The following EXD3 variants were observed in gnomAD, a reference collection of about 807,000 sequenced individuals.
EXD3 encodes exonuclease 3'-5' domain containing 3, also known as exonuclease mut-7 homolog.
A neutral mutation model predicts 98.0 loss-of-function variants in EXD3; 92 were observed. The observed-to-expected ratio is 0.94, with a 90% CI of 0.79 to 1.12. The LOEUF is 1.12. Among genes scored for constraint, EXD3 ranks in the 50% most tolerant of loss-of-function variants. EXD3 has a pLI of 0.00. For missense variants in EXD3, 1,222 were observed against 1,191.6 expected (o/e 1.03, Z -0.38); for synonymous variants, 569 against 526.0 (o/e 1.08, Z -1.12).
Position 137,395,161 on chromosome 9 carries a change from A to G in EXD3, c.55+142T>C. 1 of 739,968 alleles carries G rather than the reference A, an allele frequency of 1.4e-6. No homozygotes were observed. Among genetic ancestry groups the G allele is most frequent in the South Asian group, 1.6e-5 (1 of 62,948 alleles). 45.8% of individuals were successfully genotyped at this position (739,968 alleles called of 1,614,324 possible). On this transcript the variant is annotated intron_variant, in intron 2 of 21. Transcript: ENST00000340951. This position sits in a 1 kb window ranked among gnomAD's most constrained non-coding sequence, Gnocchi z 6.5. ...ACTCACAAGGTCCCAAGCCGTGGACACTGTAGAGAGGCCCGCAGCTAGGGG... is the reference window on the plus strand; with the variant it reads ...ACTCACAAGGTCCCAAGCCGTGGACGCTGTAGAGAGGCCCGCAGCTAGGGG...
At position 137,371,959 on chromosome 9, in the gene EXD3, C is replaced by T. The variant is rs1835639549; in HGVS notation, c.462+946G>A. ...GGCCCCACTGCTCCCTACTGTTCCA[C>T]ACAAACCCAAGTCACAGCTTGGCCA... is the stretch of plus-strand genomic sequence containing the variant. On this transcript the variant is annotated intron_variant, in intron 5 of 21. Coordinates refer to ENST00000340951, the MANE Select transcript of EXD3 (RefSeq NM_017820.5). The surrounding 1 kb of genome is among the most constrained non-coding windows in gnomAD (Gnocchi z 8.0). Among the ~76,000 whole-genome samples, 1 of 152,152 alleles carries T rather than the reference C, an allele frequency of 6.6e-6. No homozygotes were observed. The highest frequency in any genetic ancestry group is 1.5e-5 in the Non-Finnish European group (1 of 68,018).
chr9:137,364,715 C>T lies in EXD3; in HGVS notation c.656+1778G>A, dbSNP rs112121646. Reference sequence around the variant, plus strand: ...AGTTTCCGTGTATATTTCTTTTCTTCGCAATGAGACCCCTGGTTCCCACCT... The same window carrying T: ...AGTTTCCGTGTATATTTCTTTTCTTTGCAATGAGACCCCTGGTTCCCACCT... On this transcript the variant is annotated intron_variant, in intron 7 of 21. Transcript: ENST00000340951. Among the ~76,000 whole-genome samples, 693 of 151,676 alleles carry T rather than the reference C, an allele frequency of 4.6e-3. 5 individuals carry two copies. The highest frequency in any genetic ancestry group is 6.2e-3 in the Non-Finnish European group (419 of 67,942).
At chr9:137,414,264 T>C (rs116934950) in intron 1 of EXD3, among the ~76,000 whole-genome samples, 3 of 152,352 alleles carry the variant, frequency 2.0e-5, no homozygotes, top group Non-Finnish European at 2.9e-5. Flanking sequence ...GCATGGTGTC[T>C]TCAAAACTCA....
At chr9:137,413,357 C>A (rs1302011785) in intron 1 of EXD3, among the ~76,000 whole-genome samples, 1 of 152,152 alleles carries the variant, frequency 6.6e-6, no homozygotes, top group East Asian at 1.9e-4. Flanking sequence ...CCTGCCACCA[C>A]GCCCGGCTAA....
rs1588418604 is a variant in EXD3, at chr9:137,395,880, C to T, written c.-47-476G>A. ...TCACGGCTGACCCAGTACGCAGCTC[C>T]GTAAGACTCCAGGCGGCCGCTGACA... On this transcript the variant is annotated intron_variant, in intron 1 of 21. Coordinates refer to ENST00000340951, the MANE Select transcript of EXD3 (RefSeq NM_017820.5). The surrounding 1 kb of genome is among the most constrained non-coding windows in gnomAD (Gnocchi z 6.5). Among the ~76,000 whole-genome samples, 3 of 152,142 alleles carry T rather than the reference C, an allele frequency of 2.0e-5. No individual in the cohort carries two copies. The highest frequency in any genetic ancestry group is 1.3e-4 in the Admixed American group (2 of 15,282).
intron 1 of EXD3, among the ~76,000 whole-genome samples, chr9:137,414,464 C>T (rs1838146053): frequency 6.6e-6 from 1 of 151,906 alleles, no homozygotes; most frequent in South Asian, 2.1e-4. Flanking sequence ...GATCTGGGGA[C>T]ACACATTCCT....
At chr9:137,381,630 AC>A (rs1276216602) in intron 3 of EXD3, among the ~76,000 whole-genome samples, 1 of 152,032 alleles carries the variant, frequency 6.6e-6, no homozygotes, top group Admixed American at 6.6e-5. Flanking sequence ...CGTTAGAGGA[AC>A]ACCTAAGCCC....
intron 8 of EXD3, 119 bp from the exon 9 acceptor site, chr9:137,354,892 C>T: frequency 9.8e-7 from 1 of 1,016,902 alleles, no homozygotes; most frequent in South Asian, 1.6e-5. Flanking sequence ...TCCTCCACCT[C>T]TGCCCCGGAG....
At chr9:137,384,057 G>C (rs73583537) in intron 2 of EXD3, among the ~76,000 whole-genome samples, 1 of 152,220 alleles carries the variant, frequency 6.6e-6, no homozygotes, top group Non-Finnish European at 1.5e-5. Flanking sequence ...AGGCCAGGGA[G>C]GGGCAGGTGC....
intron 1 of EXD3, among the ~76,000 whole-genome samples, chr9:137,418,670 C>T (rs781373190): frequency 2.3e-4 from 35 of 151,670 alleles, no homozygotes; most frequent in African/African-American, 7.5e-4. Flanking sequence ...CAATTCTGTA[C>T]GTGAGATGTA....
intron 7 of EXD3, among the ~76,000 whole-genome samples, chr9:137,362,777 G>A (rs1346703621): frequency 6.6e-6 from 1 of 152,036 alleles, no homozygotes; most frequent in African/African-American, 2.4e-5. Flanking sequence ...TTTTCTCCCA[G>A]TCTGTTGGTG....
intron 17 of EXD3, among the ~76,000 whole-genome samples, chr9:137,334,297 T>C (rs1833246660): frequency 6.6e-6 from 1 of 152,210 alleles, no homozygotes; most frequent in African/African-American, 2.4e-5. Flanking sequence ...CCACTGCACC[T>C]GGCCTCAGGT....
intron 7 of EXD3, chr9:137,366,266 G>C: frequency 1.4e-6 from 1 of 716,932 alleles, no homozygotes; most frequent in Middle Eastern, 2.3e-4. Flanking sequence ...TCTAAGAGCA[G>C]TTAACTCTTT....
At position 137,353,581 on chromosome 9, in the gene EXD3, G is replaced by T. The variant is rs9696871; in HGVS notation, c.870+758C>A. ...CCTGAGAAACCTCATCCTCACCAGGGTGAGCTCTCTCCCACCCCGCAGCCA... is the reference window on the plus strand; with the variant it reads ...CCTGAGAAACCTCATCCTCACCAGGTTGAGCTCTCTCCCACCCCGCAGCCA... On this transcript the variant is annotated intron_variant, in intron 10 of 21. Transcript: ENST00000340951. 2.4e-3 allele frequency: 2,394 copies of T among 985,914 alleles called. 39 individuals are homozygous for T. The African/African-American group carries it at 0.039, about 16-fold the overall frequency. 61.1% of individuals were successfully genotyped at this position (985,914 alleles called of 1,614,324 possible). A position where few individuals can be genotyped will look rare whatever the true frequency, so the allele number is the denominator to read the frequency against.
rs768321631 is a variant in EXD3 at position 137,371,893 on chromosome 9, G to C, written c.462+1012C>G. ...CCCCTGCACCTGCAGGAACAGCTCA[G>C]AGCCACCCCACGCAAGACGGCCGCC... is the stretch of plus-strand genomic sequence containing the variant. On this transcript the variant is annotated intron_variant, in intron 5 of 21. Coordinates refer to ENST00000340951, the MANE Select transcript of EXD3 (RefSeq NM_017820.5). This position sits in a 1 kb window ranked among gnomAD's most constrained non-coding sequence, Gnocchi z 8.0. Among the ~76,000 whole-genome samples, 20 of 151,628 alleles carry C rather than the reference G, an allele frequency of 1.3e-4. No homozygotes were observed. Among genetic ancestry groups the C allele is most frequent in the Admixed American group, 7.2e-4 (11 of 15,194 alleles).
At chr9:137,355,991 C>T (rs1834762812) in intron 8 of EXD3, among the ~76,000 whole-genome samples, 1 of 152,188 alleles carries the variant, frequency 6.6e-6, no homozygotes, top group South Asian at 2.1e-4. Flanking sequence ...TCACCCTCAG[C>T]TCTGCAGCCA....
Position 137,352,060 on chromosome 9 carries a change from A to C in EXD3, c.1173+6T>G, listed in dbSNP as rs1198258718. 1 of 1,609,044 alleles carries C rather than the reference A, an allele frequency of 6.2e-7. No individual in the cohort carries two copies. Among genetic ancestry groups the C allele is most frequent in the East Asian group, 2.2e-5 (1 of 44,796 alleles). The stretch of plus-strand genomic sequence containing the variant: ...CGGGCGCTGCCCCAGCGGCCGAGGG[A>C]ACCACCTGCAGGAGTGCACCCTCGT... On this transcript the variant is annotated splice_donor_region_variant and intron_variant, in intron 12 of 21. Transcript: ENST00000340951.
At chr9:137,322,284 C>T (rs1444598454) in intron 19 of EXD3, among the ~76,000 whole-genome samples, 4 of 152,188 alleles carry the variant, frequency 2.6e-5, no homozygotes, top group Non-Finnish European at 5.9e-5. Context: ...CTGATTGGAG[C>T]TGTCCCCGTG....
chr9:137,327,099 G>C (rs1336006910), intron 17 of EXD3, among the ~76,000 whole-genome samples: 1 of 151,710 alleles, frequency 6.6e-6, no homozygotes, highest in Non-Finnish European at 1.5e-5. Context: ...ACCAGGGCTA[G>C]AAGGAGGGGA....
Sources: gnomAD v4.1 joint callset for allele counts (sites outside exome capture counted in the v4.1 genomes callset) on GRCh38, gnomAD v4.1.1 for gene constraint, Gnocchi (gnomAD v3.1) non-coding constraint, MANE v1.5 for transcripts, NCBI Gene and HGNC (gene_info 2026-07-23, HGNC 2026-07-21) for gene names.